PPP2R5A: variants seen among roughly 807,000 people sequenced by gnomAD.
The protein encoded by PPP2R5A is protein phosphatase 2 regulatory subunit B'alpha.
Under a neutral mutation model 64.2 loss-of-function variants are expected in PPP2R5A, and 25 were observed. That is an observed-to-expected ratio of 0.39 (90% confidence interval 0.28 to 0.54). The LOEUF (loss-of-function observed/expected upper bound fraction) is 0.54. Ranked by LOEUF, PPP2R5A falls within the 20% of genes least tolerant of loss-of-function variation. The pLI is 0.67. For missense variants in PPP2R5A, 425 were observed against 576.3 expected, an observed-to-expected ratio of 0.74 and a Z score of 2.69; for synonymous variants, 198 against 201.2, an observed-to-expected ratio of 0.98 and a Z score of 0.13.
chr1:212,293,971 G>A (rs905670229), intron 1 of PPP2R5A, among the ~76,000 whole-genome samples: 8 of 152,064 alleles, frequency 5.3e-5, no homozygotes, highest in African/African-American at 1.7e-4. Context: ...AAAGTACAGG[G>A]TTTTAAAACC....
chr1:212,324,547 A>G (rs1659373176), intron 1 of PPP2R5A, among the ~76,000 whole-genome samples: 1 of 152,030 alleles, frequency 6.6e-6, no homozygotes, highest in Non-Finnish European at 1.5e-5. Flanking sequence ...TGTTATCTCA[A>G]TCCATTTAAT....
At chr1:212,319,973 A>C (rs1207068274) in intron 1 of PPP2R5A, among the ~76,000 whole-genome samples, 1 of 82,664 alleles carries the variant, frequency 1.2e-5, no homozygotes, top group Non-Finnish European at 2.4e-5. Context: ...TTTTTTATTG[A>C]TCATTCTTGG....
chr1:212,292,485 T>TAGTC (rs58955702), intron 1 of PPP2R5A, among the ~76,000 whole-genome samples: 45,058 of 151,890 alleles, frequency 0.3, 7,213 homozygotes, highest in Non-Finnish European at 0.37. Flanking sequence ...GGTTGTCTTA[T>TAGTC]AGTCACTCCT....
chr1:212,297,128 T>TTTTTTTTTTTTTTTTTTTTTTC (rs1658711708), intron 1 of PPP2R5A, among the ~76,000 whole-genome samples: 1 of 11,636 alleles, frequency 8.6e-5, no homozygotes, highest in Non-Finnish European at 1.7e-4. Flanking sequence ...TTTTTTTTTT[T>TTTTTTTTTTTTTTTTTTTTTTC]TTTTTTTTTT....
chr1:212,325,223 C>T (rs12118709), intron 1 of PPP2R5A, among the ~76,000 whole-genome samples: 23,454 of 152,006 alleles, frequency 0.15, 2,497 homozygotes, highest in East Asian at 0.36. Context: ...TACTCAAATA[C>T]GTAATTGAAG....
intron 1 of PPP2R5A, among the ~76,000 whole-genome samples, chr1:212,310,995 C>T (rs1453115740): frequency 6.6e-6 from 1 of 152,162 alleles, no homozygotes; most frequent in East Asian, 1.9e-4. Flanking sequence ...AAAATACAGT[C>T]ATGTGCTGCA....
At chr1:212,328,928 AT>A (rs1216603132) in intron 1 of PPP2R5A, among the ~76,000 whole-genome samples, 3 of 145,310 alleles carry the variant, frequency 2.1e-5, no homozygotes, top group Non-Finnish European at 4.6e-5. Flanking sequence ...CTTTAAAAAA[AT>A]TTTTTTAATG....
At chr1:212,305,353 T>G (rs1658879360) in intron 1 of PPP2R5A, among the ~76,000 whole-genome samples, 1 of 151,884 alleles carries the variant, frequency 6.6e-6, no homozygotes, top group African/African-American at 2.4e-5. Context: ...GTTACTGATT[T>G]CTAACTTCAT....
intron 1 of PPP2R5A, among the ~76,000 whole-genome samples, chr1:212,290,103 C>G (rs1658574033): frequency 6.6e-6 from 1 of 152,178 alleles, no homozygotes; most frequent in Non-Finnish European, 1.5e-5. Flanking sequence ...GTAAAACTTT[C>G]CCAAGTAGCA....
At chr1:212,356,074 A>C (rs1371566451) in intron 8 of PPP2R5A, among the ~76,000 whole-genome samples, 2 of 152,118 alleles carry the variant, frequency 1.3e-5, no homozygotes, top group East Asian at 3.8e-4. Context: ...AAAATAAATA[A>C]ATAAATAAAA....
chr1:212,300,382 C>G (rs1257532959), intron 1 of PPP2R5A, among the ~76,000 whole-genome samples: 1 of 152,044 alleles, frequency 6.6e-6, no homozygotes, highest in Non-Finnish European at 1.5e-5. Flanking sequence ...TCATGGTTTT[C>G]TAAAATAAAC....
At chr1:212,360,170 C>G (rs188521270) in intron 12 of PPP2R5A, among the ~76,000 whole-genome samples, 84 of 152,204 alleles carry the variant, frequency 5.5e-4, no homozygotes, top group Non-Finnish European at 1.2e-3. Context: ...AAAAGAGGAG[C>G]TAGTAAGATA....
At chr1:212,359,669 T>G (rs1660045872) in intron 12 of PPP2R5A, among the ~76,000 whole-genome samples, 1 of 152,218 alleles carries the variant, frequency 6.6e-6, no homozygotes, top group Admixed American at 6.5e-5. Context: ...AAAAGCTATC[T>G]ATTTTGACAA....
chr1:212,325,039 G>A (rs1016733967), intron 1 of PPP2R5A, among the ~76,000 whole-genome samples: 1 of 151,950 alleles, frequency 6.6e-6, no homozygotes, highest in Non-Finnish European at 1.5e-5. Flanking sequence ...CAAATTCAGA[G>A]TTTTTTCAAG....
In PPP2R5A at chr1:212,302,153, A is replaced by G; in HGVS notation, c.181+15862A>G. ...TTTGAAATCTTGAGGAGAGAAATGA[A>G]TAGAGACTAGATTTTCTGGGAAGAT... On this transcript the variant is annotated intron_variant, in intron 1 of 12. Coordinates refer to ENST00000261461, the MANE Select transcript of PPP2R5A (RefSeq NM_006243.4). 4 of 1,404,078 alleles carry G rather than the reference A, an allele frequency of 2.8e-6. No homozygotes were observed. In the East Asian group the frequency reaches 7.5e-5, roughly 26 times the overall value. 87.0% of individuals were successfully genotyped at this position (1,404,078 alleles called of 1,614,324 possible).
At chr1:212,306,150 T>C (rs1252412096) in intron 1 of PPP2R5A, among the ~76,000 whole-genome samples, 1 of 152,160 alleles carries the variant, frequency 6.6e-6, no homozygotes, top group Non-Finnish European at 1.5e-5. Context: ...CCTGGTTGGC[T>C]AAACATTGTA....
At chr1:212,292,081 C>T (rs912379502) in intron 1 of PPP2R5A, among the ~76,000 whole-genome samples, 4 of 152,154 alleles carry the variant, frequency 2.6e-5, no homozygotes, top group Admixed American at 2.0e-4. Context: ...AACTTTACTG[C>T]GTTTTTGGTC....
Position 212,358,713 on chromosome 1 carries a change from G to A in PPP2R5A, c.1254G>A (p.Val418=), listed in dbSNP as rs1179535409. Residue 418 remains valine (V), a synonymous_variant, in exon 12 of 13, where the codon GTG becomes GTA. Coordinates refer to ENST00000261461, the MANE Select transcript of PPP2R5A (RefSeq NM_006243.4). ...NPTIVALVYN[V]LKTLMEMNGK... ...CCATTGTAGCACTGGTATACAATGT[G>A]CTGAAAACCCTAATGGAAATGAATG... The A allele has an allele frequency of 1.2e-6, 2 of 1,613,452 alleles. No homozygotes were observed. The highest frequency in any genetic ancestry group is 1.7e-6 in the Non-Finnish European group (2 of 1,179,614).
chr1:212,320,909 CCCGGACGGGGCGGCTGG>C (rs1659269193), intron 1 of PPP2R5A, among the ~76,000 whole-genome samples: 2 of 124,276 alleles, frequency 1.6e-5, no homozygotes, highest in African/African-American at 6.3e-5. Flanking sequence ...CCCCTCACCT[CCCGGACGGGGCGGCTGG>C]CCGGGCGGGG....
Sources: gnomAD v4.1 joint callset for allele counts (sites outside exome capture counted in the v4.1 genomes callset) on GRCh38, gnomAD v4.1.1 for gene constraint, MANE v1.5 for transcripts, NCBI Gene and HGNC (gene_info 2026-07-23, HGNC 2026-07-21) for gene names.